DPP6: variants seen among roughly 807,000 people sequenced by gnomAD.
The protein encoded by DPP6 is dipeptidyl peptidase like 6, also known as A-type potassium channel modulatory protein DPP6.
In DPP6, 69 loss-of-function variants were observed where a neutral mutation model predicts 122.6. That is an observed-to-expected ratio of 0.56 (90% confidence interval 0.46 to 0.69). DPP6 has a LOEUF of 0.69. Among genes scored for constraint, DPP6 ranks in the 30% least tolerant of loss-of-function variants. The pLI, the probability that DPP6 is intolerant of heterozygous loss-of-function variation, is 0.00. For synonymous variants in DPP6, 418 were observed against 433.1 expected (o/e 0.97, Z 0.43); for missense variants, 928 against 1,116.9 (o/e 0.83, Z 2.41).
chr7:154,884,440 T>C (rs955572060), intron 21 of DPP6: 2 of 103,714 alleles, frequency 1.9e-5, no homozygotes, highest in East Asian at 4.0e-4. Flanking sequence ...TGCTCACCTA[T>C]ACACATGCTC....
chr7:154,060,733 CG>C (rs1801696375), intron 1 of DPP6, among the ~76,000 whole-genome samples: 9 of 145,438 alleles, frequency 6.2e-5, no homozygotes, highest in African/African-American at 2.3e-4. Context: ...AGGCACCCCC[CG>C]CGAGGCAGGG....
At chr7:154,757,453 C>G (rs1465002767) in intron 8 of DPP6, among the ~76,000 whole-genome samples, 2 of 152,248 alleles carry the variant, frequency 1.3e-5, no homozygotes, top group African/African-American at 4.8e-5. Flanking sequence ...GGAGACAATG[C>G]AGAACCAAGA....
intron 1 of DPP6, among the ~76,000 whole-genome samples, chr7:154,369,229 G>A (rs564874178): frequency 9.9e-5 from 15 of 152,120 alleles, no homozygotes; most frequent in Non-Finnish European, 1.6e-4. Flanking sequence ...CAAATAGCTG[G>A]GATTAAAGAC....
At chr7:154,262,655 CAAAAAAA>C (rs200633251) in intron 1 of DPP6, among the ~76,000 whole-genome samples, 9 of 129,280 alleles carry the variant, frequency 7.0e-5, no homozygotes, top group South Asian at 2.7e-4. Context: ...AAATGAAGTT[CAAAAAAA>C]AAAAAAAAAA....
At chr7:154,331,083 T>C (rs1259568590) in intron 1 of DPP6, among the ~76,000 whole-genome samples, 2 of 152,202 alleles carry the variant, frequency 1.3e-5, no homozygotes, top group Non-Finnish European at 2.9e-5. Flanking sequence ...GACAACAGTT[T>C]TGTGCTCTGA....
In DPP6 at chr7:153,993,109, C is replaced by T. The variant is rs542408632; in HGVS notation, c.51+105375C>T. ...ATAAGTAGAAGCCACTCCTGCTTCA[C>T]GGCAGCAGTCTCCTACATAACCACA... On this transcript the variant is annotated intron_variant, in intron 1 of 25. Transcript: ENST00000404039. Among the ~76,000 whole-genome samples the T allele has an allele frequency of 1.8e-4, 27 of 152,344 alleles. 1 individual carries two copies. Among genetic ancestry groups the T allele is most frequent in the Middle Eastern group, 3.4e-3 (1 of 294 alleles).
chr7:154,183,252 C>T (rs897129674), intron 1 of DPP6, among the ~76,000 whole-genome samples: 1 of 152,118 alleles, frequency 6.6e-6, no homozygotes, highest in Non-Finnish European at 1.5e-5. Context: ...ACTTTCACTG[C>T]CCTAAAATAA....
chr7:154,860,681 C>T (rs188925294), intron 17 of DPP6, among the ~76,000 whole-genome samples: 6 of 152,312 alleles, frequency 3.9e-5, no homozygotes, highest in Admixed American at 6.5e-5. Flanking sequence ...CTTGTCCAGT[C>T]CTAACAAAGA....
chr7:154,758,073 T>G (rs1263090188), intron 8 of DPP6, among the ~76,000 whole-genome samples: 3 of 152,198 alleles, frequency 2.0e-5, no homozygotes, highest in African/African-American at 7.2e-5. Context: ...CACTCCCCCT[T>G]CAGGTGGGCA....
At chr7:154,639,528 C>A (rs535533487) in intron 6 of DPP6, among the ~76,000 whole-genome samples, 1 of 152,108 alleles carries the variant, frequency 6.6e-6, no homozygotes, top group East Asian at 1.9e-4. Context: ...TTGTAAAACT[C>A]GAAACTCTAA....
At chr7:154,682,670 C>A (rs1336813045) in intron 7 of DPP6, among the ~76,000 whole-genome samples, 1 of 152,208 alleles carries the variant, frequency 6.6e-6, no homozygotes, top group East Asian at 1.9e-4. Context: ...TTCTTCTGGA[C>A]CTTTCTGCAA....
At chr7:153,995,119 C>A (rs1416775608) in intron 1 of DPP6, among the ~76,000 whole-genome samples, 3 of 152,194 alleles carry the variant, frequency 2.0e-5, no homozygotes, top group East Asian at 1.9e-4. Context: ...TGCTTCACTG[C>A]AGTTGCTAGA....
intron 1 of DPP6, among the ~76,000 whole-genome samples, chr7:154,205,783 AATT>A (rs756502734): frequency 1.1e-3 from 154 of 142,478 alleles, no homozygotes; most frequent in African/African-American, 3.7e-3. Flanking sequence ...AAAAAAAAAA[AATT>A]AATTAATTAA....
intron 7 of DPP6, among the ~76,000 whole-genome samples, chr7:154,679,564 G>A (rs1839155731): frequency 6.6e-6 from 1 of 152,150 alleles, no homozygotes; most frequent in Non-Finnish European, 1.5e-5. Context: ...TCCCATGGCT[G>A]TAGCAAAGGG....
chr7:154,682,010 G>A (rs958090146), intron 7 of DPP6, among the ~76,000 whole-genome samples: 1 of 152,158 alleles, frequency 6.6e-6, no homozygotes, highest in African/African-American at 2.4e-5. Flanking sequence ...ACAAATACTT[G>A]TGAAATGAAT....
chr7:154,609,782 A>G (rs965287541), intron 5 of DPP6, among the ~76,000 whole-genome samples: 2 of 152,172 alleles, frequency 1.3e-5, no homozygotes, highest in Non-Finnish European at 2.9e-5. Context: ...TTCCCAAGTT[A>G]TTTCTACTTT....
intron 16 of DPP6, among the ~76,000 whole-genome samples, chr7:154,845,980 A>G (rs1011108222): frequency 6.6e-6 from 1 of 151,418 alleles, no homozygotes; most frequent in Non-Finnish European, 1.5e-5. Flanking sequence ...CGTCTTGGCC[A>G]ACAGCATGAC....
In DPP6 at chr7:154,262,220, G is replaced by A. The variant is rs535555480; in HGVS notation, c.244-183994G>A. ...CTGCGATGTGGATGACTGGGAGGGC[G>A]GAGTGTTGTGTGGACTCCCCACCCC... On this transcript the variant is annotated intron_variant, in intron 1 of 25. Coordinates refer to ENST00000377770, the MANE Select transcript of DPP6 (RefSeq NM_130797.4). Among the ~76,000 whole-genome samples, 177 of 152,300 alleles carry A rather than the reference G, an allele frequency of 1.2e-3. 1 individual carries two copies. The highest frequency in any genetic ancestry group is 6.8e-3 in the Middle Eastern group (2 of 294).
rs575276365 is a variant in DPP6 at position 154,483,985 on chromosome 7, G to A, written c.457+8948G>A. 9.2e-5 allele frequency among the ~76,000 whole-genome samples: 14 copies of A among 152,236 alleles called. No individual in the cohort carries two copies. Among genetic ancestry groups the A allele is most frequent in the South Asian group, 6.2e-4 (3 of 4,818 alleles). On this transcript the variant is annotated intron_variant, in intron 3 of 25. Transcript: ENST00000377770. The surrounding 1 kb of genome is among the most constrained non-coding windows in gnomAD (Gnocchi z 8.1). ...TGGGATTACAGATGTGAGCCACCAC[G>A]CCCGGCCCAGGTTAAATTTTATTTA...
Sources: gnomAD v4.1 joint callset for allele counts (sites outside exome capture counted in the v4.1 genomes callset) on GRCh38, gnomAD v4.1.1 for gene constraint, Gnocchi (gnomAD v3.1) non-coding constraint, MANE v1.5 for transcripts, NCBI Gene and HGNC (gene_info 2026-07-23, HGNC 2026-07-21) for gene names.